The following MYB variants were observed in gnomAD, a reference collection of about 807,000 sequenced individuals.
MYB encodes the protein MYB proto-oncogene, transcription factor.
Under a neutral mutation model 92.9 loss-of-function variants are expected in MYB, and 28 were observed. The observed-to-expected ratio is 0.30, with a 90% CI of 0.22 to 0.41. The LOEUF is 0.41. Among genes scored for constraint, MYB ranks in the 10% least tolerant of loss-of-function variants. MYB has a pLI of 1.00. For synonymous variants in MYB, 295 were observed against 329.1 expected (o/e 0.90, Z 1.12); for missense variants, 679 against 929.3 (o/e 0.73, Z 3.50).
intron 15 of MYB, among the ~76,000 whole-genome samples, chr6:135,207,553 T>G (rs1311934723): frequency 6.6e-6 from 1 of 152,238 alleles, no homozygotes; most frequent in African/African-American, 2.4e-5. Flanking sequence ...TGGTTTTGCT[T>G]CTAACGTACA....
intron 3 of MYB, among the ~76,000 whole-genome samples, chr6:135,188,974 AC>A (rs1776306539): frequency 6.6e-6 from 1 of 152,136 alleles, no homozygotes; most frequent in Non-Finnish European, 1.5e-5. Context: ...GCCCCAACTT[AC>A]AGCTCCAGTT....
At chr6:135,196,832 G>A (rs1777388017) in intron 9 of MYB, 129 bp from the exon 10 acceptor site, 1 of 1,586,882 alleles carries the variant, frequency 6.3e-7, no homozygotes, top group Non-Finnish European at 8.5e-7. Context: ...TCATCTTGAA[G>A]CTGTTGCTCA....
chr6:135,206,689 C>T (rs1245698135), intron 15 of MYB, among the ~76,000 whole-genome samples: 2 of 152,084 alleles, frequency 1.3e-5, no homozygotes, highest in Non-Finnish European at 2.9e-5. Context: ...GAGTGAGACT[C>T]TATCTCAAAC....
At chr6:135,195,092 C>T (rs1261248564) in intron 8 of MYB, 1 of 1,266,778 alleles carries the variant, frequency 7.9e-7, no homozygotes, top group Admixed American at 2.6e-5. Context: ...GTAGGTATTC[C>T]TAGGGGTAAA....
Position 135,203,253 on chromosome 6 carries a change from T to A in MYB, c.2098T>A (p.Ser700Thr), listed in dbSNP as rs370301077. The A allele has an allele frequency of 2.5e-6, 4 of 1,611,226 alleles. No homozygotes were observed. Among genetic ancestry groups the A allele is most frequent in the South Asian group, 1.1e-5 (1 of 90,848 alleles). ...AAGCTCCGTTTTAATGGCACCAGCA[T>A]CAGAAGATGAAGACAATGTTCTCAA... is the stretch of plus-strand genomic sequence containing the variant. ...LTSSVLMAPASEDEDNVLKAF... is the reference protein window; with the variant it reads ...LTSSVLMAPATEDEDNVLKAF... Residue 700 changes from serine to threonine, a missense_variant, in exon 15 of 16, where the codon TCA (serine) becomes ACA (threonine). By Grantham distance (58) the Ser-to-Thr change is moderately conservative. Around this residue, in one of 8 missense-constraint regions of MYB, gnomAD observed 402 missense variants for 434.2 expected, o/e 0.93. Transcript: ENST00000341911.
chr6:135,185,944 G>T lies in MYB; in HGVS notation c.65G>T (p.Cys22Phe). ...GAGGATGATGAGGACTTTGAGATGT[G>T]TGACCATGACTATGATGGGCTGCTT... Reference protein sequence around the residue: ...SDEDDEDFEMCDHDYDGLLPK... With the variant: ...SDEDDEDFEMFDHDYDGLLPK... Residue 22 changes from cysteine (C) to phenylalanine (F), a missense_variant, in exon 2 of 16, where the codon TGT becomes TTT. This residue lies in a region of MYB where 88 missense variants were observed against 145.6 expected (regional missense o/e 0.60). Transcript: ENST00000341911. 3 of 1,614,146 alleles carry T rather than the reference G, an allele frequency of 1.9e-6. No individual in the cohort carries two copies. The highest frequency in any genetic ancestry group is 2.7e-5 in the African/African-American group (2 of 75,042).
chr6:135,216,746 G>A (rs1258503057), intron 15 of MYB, among the ~76,000 whole-genome samples: 1 of 152,070 alleles, frequency 6.6e-6, no homozygotes, highest in Non-Finnish European at 1.5e-5. Context: ...CTGTTGTCTT[G>A]TATTTCTTTT....
Position 135,182,761 on chromosome 6 carries a change from T to C in MYB, c.23+1225T>C, listed in dbSNP as rs1405676965. On this transcript the variant is annotated intron_variant, in intron 1 of 15. Coordinates refer to ENST00000341911, the MANE Select transcript of MYB (RefSeq NM_001130173.2). This position sits in a 1 kb window ranked among gnomAD's most constrained non-coding sequence, Gnocchi z 5.6. The stretch of plus-strand genomic sequence containing the variant: ...TTGTTGTTGAGCCTGCGGGCGCTGG[T>C]CCCCGCGCGGCGCTGGGAAGTTGCA... Among the ~76,000 whole-genome samples, 2 of 151,202 alleles carry C rather than the reference T, an allele frequency of 1.3e-5. No homozygotes were observed. Among genetic ancestry groups the C allele is most frequent in the Non-Finnish European group, 2.9e-5 (2 of 67,798 alleles).
In MYB at chr6:135,190,210, T is replaced by C. The variant is rs778686623; in HGVS notation, c.390T>C (p.Cys130=). The C allele has an allele frequency of 5.6e-6, 9 of 1,613,988 alleles. No individual in the cohort carries two copies. In the East Asian group the frequency reaches 1.8e-4, roughly 32 times the overall value. ...TAAAGGGGAGAATTGGAAAACAATG[T>C]AGGGAGAGGTGGCATAACCACTTGA... is the stretch of plus-strand genomic sequence containing the variant. ...KHLKGRIGKQ[C]RERWHNHLNP... The change falls in exon 5 of 16, where the codon TGT becomes TGC. Residue 130 remains cysteine (C), a synonymous_variant. Coordinates refer to ENST00000341911, the MANE Select transcript of MYB (RefSeq NM_001130173.2). This position sits in a 1 kb window ranked among gnomAD's most constrained non-coding sequence, Gnocchi z 4.5.
intron 15 of MYB, among the ~76,000 whole-genome samples, chr6:135,213,465 A>G (rs1780018938): frequency 6.6e-6 from 1 of 152,134 alleles, no homozygotes. Context: ...AGGGGATCTC[A>G]CAGGAACACA....
chr6:135,208,071 T>A (rs1207673108), intron 15 of MYB, among the ~76,000 whole-genome samples: 1 of 132,508 alleles, frequency 7.5e-6, no homozygotes, highest in Admixed American at 7.8e-5. Flanking sequence ...ATTTTTTAAT[T>A]TTTTTTTTAA....
At chr6:135,195,688 A>C (rs1359989740) in intron 8 of MYB, 60 bp from the exon 9 acceptor site, 1 of 1,573,298 alleles carries the variant, frequency 6.4e-7, no homozygotes. Flanking sequence ...CTTCATTGCT[A>C]AGTTCCTTCT....
chr6:135,208,611 G>A (rs1779303137), intron 15 of MYB, among the ~76,000 whole-genome samples: 1 of 150,696 alleles, frequency 6.6e-6, no homozygotes, highest in Admixed American at 6.6e-5. Context: ...AAACTCCTGG[G>A]CTCAAGCAAT....
At chr6:135,204,334 G>A (rs554186416) in intron 15 of MYB, among the ~76,000 whole-genome samples, 58 of 152,230 alleles carry the variant, frequency 3.8e-4, no homozygotes, top group African/African-American at 5.1e-4. Context: ...GGTCTTACCC[G>A]GTGGCCCAGG....
In MYB at chr6:135,186,131, A is replaced by T. The variant is rs1775874405; in HGVS notation, c.141+111A>T. ...CAAGCTCATTAGCAGGCTCCTTGAG[A>T]TCTTATCCTAGCCCGCATGTGCAGC... On this transcript the variant is annotated intron_variant, in intron 2 of 15. Transcript: ENST00000341911. The T allele has an allele frequency of 3.6e-6, 3 of 827,598 alleles. No homozygotes were observed. The East Asian group carries it at 8.0e-5, about 22-fold the overall frequency. The allele number at this position is 827,598 out of a possible 1,614,324, so 51.3% of individuals were successfully genotyped here. A position where few individuals can be genotyped will look rare whatever the true frequency, so the allele number is the denominator to read the frequency against.
Position 135,190,302 on chromosome 6 carries a change from G to T in MYB, c.482G>T (p.Arg161Ile). Residue 161 changes from arginine (R) to isoleucine (I), a missense_variant, in exon 5 of 16, where the codon AGA becomes ATA. Coordinates refer to ENST00000341911, the MANE Select transcript of MYB (RefSeq NM_001130173.2). This position sits in a 1 kb window ranked among gnomAD's most constrained non-coding sequence, Gnocchi z 4.5. ...EDRIIYQAHKRLGNRWAEIAK... is the reference protein window; with the variant it reads ...EDRIIYQAHKILGNRWAEIAK... ...AGAATTATTTACCAGGCACACAAGA[G>T]ACTGGGGAACAGATGGGCAGAAATC... 1.9e-6 allele frequency: 3 copies of T among 1,614,190 alleles called. No individual in the cohort carries two copies. Among genetic ancestry groups the T allele is most frequent in the Non-Finnish European group, 1.7e-6 (2 of 1,180,016 alleles).
intron 1 of MYB, among the ~76,000 whole-genome samples, chr6:135,184,322 C>CTTT: frequency 8.6e-4 from 59 of 68,412 alleles, no homozygotes; most frequent in African/African-American, 2.7e-3. Flanking sequence ...GGCTTTATAG[C>CTTT]TTTTTTTTTT....
chr6:135,194,374 G>A lies in MYB; in HGVS notation c.862G>A (p.Asp288Asn). 6.2e-7 allele frequency: 1 copy of A among 1,611,832 alleles called. No individual in the cohort carries two copies. The change falls in exon 8 of 16, where the codon GAC (aspartate) becomes AAC (asparagine). Residue 288 changes from aspartate (D) to asparagine (N), a missense_variant. Physicochemically the swap from Asp to Asn is conservative, Grantham distance 23. This residue lies in a region of MYB where 43 missense variants were observed against 87.9 expected (regional missense o/e 0.49). Coordinates refer to ENST00000341911, the MANE Select transcript of MYB (RefSeq NM_001130173.2). ...AAIQRHYNDE[D>N]PEKEKRIKEL... Reference sequence around the variant, plus strand: ...ATTTCAGAGACACTATAATGATGAAGACCCTGAGAAGGAAAAGCGAATAAA... The same window carrying A: ...ATTTCAGAGACACTATAATGATGAAAACCCTGAGAAGGAAAAGCGAATAAA...
chr6:135,198,870 A>G (rs777543913), intron 10 of MYB, 38 bp from the exon 11 acceptor site: 1 of 1,518,824 alleles, frequency 6.6e-7, no homozygotes, highest in Non-Finnish European at 9.1e-7. Flanking sequence ...AAGAATTACC[A>G]TCTAATCTAA....
Sources: gnomAD v4.1 joint callset for allele counts (sites outside exome capture counted in the v4.1 genomes callset) on GRCh38, gnomAD v4.1.1 for gene constraint, gnomAD v4.1.1 regional missense constraint, Gnocchi (gnomAD v3.1) non-coding constraint, MANE v1.5 for transcripts, NCBI Gene and HGNC (gene_info 2026-07-23, HGNC 2026-07-21) for gene names.